Variants in SEPTIN2 observed in about 807,000 individuals in gnomAD.
SEPTIN2 encodes the protein septin-2.
A neutral mutation model predicts 46.5 loss-of-function variants in SEPTIN2; 34 were observed. The ratio of observed to expected loss-of-function variants is 0.73; its 90% CI spans 0.56 to 0.97. The LOEUF (loss-of-function observed/expected upper bound fraction) is 0.97, where lower values mean the gene tolerates loss of function less well. SEPTIN2 is among the 50% of genes least tolerant of loss of function. The pLI is 0.00. For synonymous variants in SEPTIN2, 175 were observed against 153.4 expected (o/e 1.14, Z -1.04); for missense variants, 347 against 448.4 (o/e 0.77, Z 2.04).
chr2:241,319,162 A>G (rs1395120714), intron 1 of SEPTIN2, among the ~76,000 whole-genome samples: 1 of 152,252 alleles, frequency 6.6e-6, no homozygotes, highest in Non-Finnish European at 1.5e-5. Context: ...GAAAAAAATG[A>G]GAGAATAGAG....
chr2:241,334,059 A>C (rs1467549299), intron 3 of SEPTIN2, among the ~76,000 whole-genome samples: 7 of 151,854 alleles, frequency 4.6e-5, no homozygotes, highest in Non-Finnish European at 1.0e-4. Flanking sequence ...TTTTTGGGAG[A>C]TGGGGGTCTC....
Position 241,324,201 on chromosome 2 carries a change from T to C in SEPTIN2, c.-17-15T>C. On this transcript the variant is annotated splice_polypyrimidine_tract_variant and intron_variant, in intron 1 of 12. Transcript: ENST00000391971. The stretch of plus-strand genomic sequence containing the variant: ...ATGTGCGTTTATGTGTGTCTGTGTG[T>C]TTTTTTTTTAACAGACGAAGCTTCA... 2 of 1,413,456 alleles carry C rather than the reference T, an allele frequency of 1.4e-6. No individual in the cohort carries two copies. Among genetic ancestry groups the C allele is most frequent in the Non-Finnish European group, 1.9e-6 (2 of 1,031,058 alleles). 87.6% of individuals were successfully genotyped at this position (1,413,456 alleles called of 1,614,324 possible).
At chr2:241,334,986 C>T (rs989118713) in intron 3 of SEPTIN2, 140 bp from the exon 4 acceptor site, 8 of 614,178 alleles carry the variant, frequency 1.3e-5, no homozygotes, top group Admixed American at 5.8e-5. Context: ...ATACTGCAAA[C>T]ATAGTAGTAC....
intron 1 of SEPTIN2, chr2:241,316,286 C>T (rs866945268): frequency 1.0e-4 from 44 of 424,166 alleles, no homozygotes; most frequent in Admixed American, 2.7e-4. Context: ...GTCGTCGGTG[C>T]TGGGCCTCGG....
intron 2 of SEPTIN2, chr2:241,324,966 C>G (rs1230183064): frequency 1.6e-5 from 2 of 124,116 alleles, no homozygotes; most frequent in Admixed American, 8.9e-5. Flanking sequence ...ATTATTATTT[C>G]TGTTTTTTTT....
At chr2:241,329,274 G>A (rs1298117663) in intron 3 of SEPTIN2, among the ~76,000 whole-genome samples, 1 of 151,750 alleles carries the variant, frequency 6.6e-6, no homozygotes, top group Non-Finnish European at 1.5e-5. Context: ...ACAGGCACCC[G>A]CCACCACACC....
In SEPTIN2 at chr2:241,315,977, T is replaced by C. The variant is rs1454213322; in HGVS notation, c.-23T>C. 1.3e-5 allele frequency: 2 copies of C among 152,296 alleles called. No homozygotes were observed. The highest frequency in any genetic ancestry group is 2.9e-5 in the Non-Finnish European group (2 of 68,222). 9.4% of individuals were successfully genotyped at this position (152,296 alleles called of 1,614,324 possible). A position where few individuals can be genotyped will look rare whatever the true frequency, so the allele number is the denominator to read the frequency against. On this transcript the variant is annotated 5_prime_UTR_variant, in exon 1 of 13. Coordinates refer to ENST00000391971, the MANE Select transcript of SEPTIN2 (RefSeq NM_004404.5). Reference sequence around the variant, plus strand: ...GGTCGGCGCCTGTTCTCGGGCTGTTTGGCGGGTGAGTGTCTCGCCGGTGTA... The same window carrying C: ...GGTCGGCGCCTGTTCTCGGGCTGTTCGGCGGGTGAGTGTCTCGCCGGTGTA...
chr2:241,335,039 C>G (rs1011400254), intron 3 of SEPTIN2, 87 bp from the exon 4 acceptor site: 9 of 835,222 alleles, frequency 1.1e-5, no homozygotes, highest in Non-Finnish European at 1.8e-5. Flanking sequence ...GGTACTTAGC[C>G]CAGTACCAGG....
intron 10 of SEPTIN2, among the ~76,000 whole-genome samples, chr2:241,347,613 G>A (rs1200900132): frequency 3.3e-5 from 5 of 152,220 alleles, no homozygotes; most frequent in Non-Finnish European, 7.3e-5. Flanking sequence ...GTGGGTAACA[G>A]CAAGTGTTGT....
intron 12 of SEPTIN2, among the ~76,000 whole-genome samples, chr2:241,350,768 C>G (rs572068887): frequency 7.2e-4 from 109 of 152,058 alleles, no homozygotes; most frequent in Non-Finnish European, 1.2e-3. Context: ...GCTGGTCTGC[C>G]TGCTTGAAAA....
chr2:241,350,246 A>T, intron 12 of SEPTIN2, 43 bp downstream of exon 12: 1 of 1,167,258 alleles, frequency 8.6e-7, no homozygotes, highest in Non-Finnish European at 1.2e-6. Context: ...GGCAGTTACT[A>T]ACATTGTGTC....
intron 9 of SEPTIN2, 133 bp from the exon 10 acceptor site, chr2:241,346,033 A>G (rs2060202431): frequency 3.3e-6 from 2 of 610,874 alleles, no homozygotes; most frequent in East Asian, 5.9e-5. Flanking sequence ...CTGAAATCCC[A>G]GCAGCTTTAT....
intron 1 of SEPTIN2, among the ~76,000 whole-genome samples, chr2:241,323,426 A>G (rs1359659384): frequency 1.3e-5 from 2 of 151,296 alleles, no homozygotes; most frequent in Non-Finnish European, 2.9e-5. Flanking sequence ...GCCTGGCTGA[A>G]TCAGTATTTT....
chr2:241,325,872 T>C, intron 2 of SEPTIN2, 121 bp from the exon 3 acceptor site: 2 of 889,606 alleles, frequency 2.2e-6, no homozygotes, highest in South Asian at 2.0e-5. Context: ...TGGAAGTGTT[T>C]ATACTTTTTA....
chr2:241,350,913 A>T, intron 12 of SEPTIN2, among the ~76,000 whole-genome samples: 1 of 152,226 alleles, frequency 6.6e-6, no homozygotes, highest in Non-Finnish European at 1.5e-5. Flanking sequence ...GAGGAAAAGC[A>T]TGAAAGGTAA....
intron 1 of SEPTIN2, among the ~76,000 whole-genome samples, chr2:241,323,174 A>ATTTT (rs1189964295): frequency 7.1e-6 from 1 of 140,660 alleles, no homozygotes; most frequent in Non-Finnish European, 1.6e-5. Context: ...CCACCATCTA[A>ATTTT]TTTTTTTTTT....
Position 241,327,823 on chromosome 2 carries a change from G to C in SEPTIN2, c.130+1710G>C, listed in dbSNP as rs115472677. Among the ~76,000 whole-genome samples the C allele has an allele frequency of 2.1e-3, 315 of 152,152 alleles. 1 individual carries two copies. Among genetic ancestry groups the C allele is most frequent in the African/African-American group, 7.3e-3 (302 of 41,496 alleles). On this transcript the variant is annotated intron_variant, in intron 3 of 12. Transcript: ENST00000391971. ...CCTAGCACTTTGGGAGGCCAACATG[G>C]GTGGATCACTTCAGCCCAGGAGTTC...
intron 7 of SEPTIN2, among the ~76,000 whole-genome samples, chr2:241,338,454 A>G (rs972024428): frequency 4.6e-5 from 7 of 150,918 alleles, no homozygotes; most frequent in African/African-American, 1.5e-4. Context: ...CTAAATGAAC[A>G]TACCGATCTG....
intron 11 of SEPTIN2, among the ~76,000 whole-genome samples, chr2:241,349,238 A>C (rs1374985302): frequency 6.6e-6 from 1 of 151,920 alleles, no homozygotes; most frequent in African/African-American, 2.4e-5. Context: ...GCATGTCGGC[A>C]TGCACCTGTA....
Sources: gnomAD v4.1 joint callset for allele counts (sites outside exome capture counted in the v4.1 genomes callset) on GRCh38, gnomAD v4.1.1 for gene constraint, MANE v1.5 for transcripts, NCBI Gene and HGNC (gene_info 2026-07-23, HGNC 2026-07-21) for gene names.